PARP4: variants seen among roughly 807,000 people sequenced by gnomAD.
PARP4 encodes the protein poly(ADP-ribose) polymerase family member 4, also known as protein mono-ADP-ribosyltransferase PARP4.
A neutral mutation model predicts 187.7 loss-of-function variants in PARP4; 120 were observed. The ratio of observed to expected loss-of-function variants is 0.64; its 90% CI spans 0.55 to 0.74. The LOEUF is 0.74. Ranked by LOEUF, PARP4 falls within the 30% of genes least tolerant of loss-of-function variation. PARP4 has a pLI of 0.00. For synonymous variants in PARP4, 654 were observed against 740.9 expected, an observed-to-expected ratio of 0.88 and a Z score of 1.90; for missense variants, 1,836 against 2,070.5, an observed-to-expected ratio of 0.89 and a Z score of 2.20.
At chr13:24,480,756 T>C (rs754598693) in intron 12 of PARP4, among the ~76,000 whole-genome samples, 2 of 152,224 alleles carry the variant, frequency 1.3e-5, no homozygotes, top group Non-Finnish European at 2.9e-5. Context: ...AAAGAAGGCC[T>C]GAAGCTAGCA....
intron 30 of PARP4, among the ~76,000 whole-genome samples, chr13:24,441,292 C>T (rs547016749): frequency 1.8e-3 from 272 of 152,294 alleles, no homozygotes; most frequent in Non-Finnish European, 3.2e-3. Context: ...GCGTGAACCA[C>T]GGTGCCGGAT....
intron 1 of PARP4, among the ~76,000 whole-genome samples, chr13:24,507,265 C>G (rs1310974549): frequency 1.4e-4 from 22 of 152,354 alleles, no homozygotes. Flanking sequence ...AAGGGCTCCT[C>G]AAGCGTAGCC....
intron 1 of PARP4, among the ~76,000 whole-genome samples, chr13:24,506,132 C>T (rs975298824): frequency 6.6e-6 from 1 of 152,178 alleles, no homozygotes; most frequent in African/African-American, 2.4e-5. Context: ...TTAAAGGCGG[C>T]GCGTCCGAAG....
Position 24,447,094 on chromosome 13 carries a change from C to T in PARP4, c.3207G>A (p.Leu1069=), listed in dbSNP as rs1443753393. The T allele has an allele frequency of 5.6e-6, 9 of 1,612,800 alleles. No homozygotes were observed. The highest frequency in any genetic ancestry group is 7.6e-6 in the Non-Finnish European group (9 of 1,179,152). Residue 1069 remains leucine, a synonymous_variant, in exon 26 of 34, where the codon CTG becomes CTA. Transcript: ENST00000381989. Reference sequence around the variant, plus strand: ...AGGACGGCACCTGGGCTGGGGCCTGCAGGGCCTCGGGCACATCTGGATTGA... The same window carrying T: ...AGGACGGCACCTGGGCTGGGGCCTGTAGGGCCTCGGGCACATCTGGATTGA... ...QQLNPDVPEA[L]QAPAQVPSLF... is the part of the protein sequence containing the mutation.
At chr13:24,469,536 C>T (rs1872641921) in intron 16 of PARP4, among the ~76,000 whole-genome samples, 1 of 152,136 alleles carries the variant, frequency 6.6e-6, no homozygotes, top group Non-Finnish European at 1.5e-5. Flanking sequence ...GCTCGAACCC[C>T]TGACCTCAAG....
At position 24,426,451 on chromosome 13, in the gene PARP4, T is replaced by C. The variant is rs779097364; in HGVS notation, c.4979+15A>G. 7 of 1,592,944 alleles carry C rather than the reference T, an allele frequency of 4.4e-6. No homozygotes were observed. Among genetic ancestry groups the C allele is most frequent in the Middle Eastern group, 2.2e-4 (1 of 4,548 alleles). The stretch of plus-strand genomic sequence containing the variant: ...AAAATATAAATAAGTTGCATAATAC[T>C]ATAGTTAAAGCCACCTGGAAATAGA... On this transcript the variant is annotated intron_variant, in intron 33 of 33. Coordinates refer to ENST00000381989, the MANE Select transcript of PARP4 (RefSeq NM_006437.4).
intron 30 of PARP4, among the ~76,000 whole-genome samples, chr13:24,440,193 T>A (rs1287883368): frequency 6.6e-6 from 1 of 151,148 alleles, no homozygotes; most frequent in African/African-American, 2.4e-5. Flanking sequence ...GAATCAGGAG[T>A]TCGAGACTAG....
At chr13:24,433,432 G>C (rs2137439465) in intron 31 of PARP4, among the ~76,000 whole-genome samples, 1 of 152,268 alleles carries the variant, frequency 6.6e-6, no homozygotes, top group East Asian at 1.9e-4. Context: ...CCCATGACCT[G>C]GTGTTGGGTC....
Position 24,434,892 on chromosome 13 carries a change from G to T in PARP4, c.4249C>A (p.Pro1417Thr). 1 of 1,614,158 alleles carries T rather than the reference G, an allele frequency of 6.2e-7. No individual in the cohort carries two copies. Among genetic ancestry groups the T allele is most frequent in the Non-Finnish European group, 8.5e-7 (1 of 1,180,028 alleles). The change falls in exon 31 of 34, where the codon CCT (proline) becomes ACT (threonine). Residue 1417 changes from proline (P) to threonine (T), a missense_variant. This residue lies in a region of PARP4 where 450 missense variants were observed against 439.2 expected (regional missense o/e 1.02). Transcript: ENST00000381989. ...GAAGGCCTGGTAGTAAAGCCTCCAG[G>T]ATGTTGCAGTGGAGCAGACTGTGCA... ...SSAQSAPLQH[P>T]GGFTTRPSAG...
chr13:24,453,559 G>A lies in PARP4; in HGVS notation c.2826+28C>T, dbSNP rs73460716. The A allele has an allele frequency of 0.012, 17,464 of 1,397,744 alleles. 1,244 individuals carry two copies. In the African/African-American group the frequency reaches 0.18, roughly 15 times the overall value. The allele number at this position is 1,397,744 out of a possible 1,614,324, so 86.6% of individuals were successfully genotyped here. ...TTAAAGCATGGTAGGAAAAGACCCA[G>A]GAGATACAGGAAGCCTCTTGCACTC... On this transcript the variant is annotated intron_variant, in intron 23 of 33. Transcript: ENST00000381989.
chr13:24,442,296 C>T (rs1417514983), intron 29 of PARP4, among the ~76,000 whole-genome samples: 3 of 152,348 alleles, frequency 2.0e-5, no homozygotes, highest in Non-Finnish European at 4.4e-5. Context: ...CAATAAACGC[C>T]AAAACTGTAA....
At chr13:24,494,487 C>T in intron 7 of PARP4, 86 bp downstream of exon 7, 1 of 1,266,706 alleles carries the variant, frequency 7.9e-7, no homozygotes, top group South Asian at 1.4e-5. Flanking sequence ...GCCACGAAGC[C>T]TGGCCCAGTC....
At position 24,470,028 on chromosome 13, in the gene PARP4, G is replaced by C. The variant is rs770901705; in HGVS notation, c.1915-3C>G. 6.2e-7 allele frequency: 1 copy of C among 1,607,174 alleles called. No individual in the cohort carries two copies. Among genetic ancestry groups the C allele is most frequent in the South Asian group, 1.1e-5 (1 of 90,394 alleles). On this transcript the variant is annotated splice_region_variant and splice_polypyrimidine_tract_variant and intron_variant, in intron 15 of 33. Coordinates refer to ENST00000381989, the MANE Select transcript of PARP4 (RefSeq NM_006437.4). ...GTGTATGTCTGAAAAACAATGACCT[G>C]AAGAAGAAAAAAAATCCATACAATT...
chr13:24,500,527 A>AAAGAGAAAGGTATATTGT (rs1555240727), intron 3 of PARP4, 145 bp from the exon 4 acceptor site: 3 of 461,890 alleles, frequency 6.5e-6, no homozygotes, highest in Non-Finnish European at 1.2e-5. Context: ...CCCAGTGGGA[A>AAAGAGAAAGGTATATTGT]AAGAGGAAGG....
intron 33 of PARP4, among the ~76,000 whole-genome samples, chr13:24,424,734 C>T (rs1177485887): frequency 2.0e-5 from 3 of 147,592 alleles, no homozygotes; most frequent in African/African-American, 5.1e-5. Context: ...TGCAGTGGCA[C>T]GATCTTGACT....
At chr13:24,437,470 A>G (rs1019432231) in intron 30 of PARP4, among the ~76,000 whole-genome samples, 3 of 152,166 alleles carry the variant, frequency 2.0e-5, no homozygotes, top group African/African-American at 4.8e-5. Flanking sequence ...CACAACTCAT[A>G]TCACAAAGGG....
intron 31 of PARP4, among the ~76,000 whole-genome samples, chr13:24,431,950 A>C (rs28654488): frequency 0.047 from 7,087 of 152,160 alleles, 475 homozygotes; most frequent in African/African-American, 0.15. Flanking sequence ...AATGGTCTCA[A>C]TCTCCTGACC....
intron 7 of PARP4, 131 bp from the exon 8 acceptor site, chr13:24,493,864 G>A: frequency 2.5e-6 from 2 of 813,128 alleles, no homozygotes; most frequent in South Asian, 1.6e-5. Flanking sequence ...TCCCCAGCCA[G>A]GTAACTAAAT....
chr13:24,490,521 CAG>C, intron 10 of PARP4, 145 bp downstream of exon 10: 1 of 662,608 alleles, frequency 1.5e-6, no homozygotes, highest in Non-Finnish European at 2.6e-6. Context: ...CCGTTCTGAA[CAG>C]AGAAGAAAGT....
Sources: allele counts gnomAD v4.1 joint callset (sites outside exome capture counted in the v4.1 genomes callset), GRCh38; gene constraint gnomAD v4.1.1; regional missense constraint gnomAD v4.1.1; transcripts MANE v1.5; gene names NCBI Gene and HGNC (gene_info 2026-07-23, HGNC 2026-07-21).